The following SEC31A variants were observed in gnomAD, a reference collection of about 807,000 sequenced individuals.
SEC31A encodes SEC31 homolog A, COPII component.
SEC31A carries 70 observed loss-of-function variants against 151.0 expected under a neutral mutation model. The ratio of observed to expected loss-of-function variants is 0.46; its 90% CI spans 0.38 to 0.57. SEC31A has a LOEUF of 0.57. Among genes scored for constraint, SEC31A ranks in the 20% least tolerant of loss-of-function variants. The pLI is 0.00. For missense variants in SEC31A, 1,330 were observed against 1,471.2 expected (o/e 0.90, Z 1.57); for synonymous variants, 475 against 505.9 (o/e 0.94, Z 0.82).
chr4:82,873,648 A>G (rs964219014), intron 6 of SEC31A, among the ~76,000 whole-genome samples: 7 of 152,250 alleles, frequency 4.6e-5, no homozygotes, highest in African/African-American at 1.7e-4. Flanking sequence ...GTTCTCCCAA[A>G]TAGTTTTTTG....
At chr4:82,829,463 T>TA (rs971562100) in intron 22 of SEC31A, 65 of 152,210 alleles carry the variant, frequency 4.3e-4, no homozygotes, top group African/African-American at 7.6e-4. Context: ...ATTCAACATA[T>TA]AAAAAAAAAG....
intron 13 of SEC31A, among the ~76,000 whole-genome samples, chr4:82,862,209 G>A (rs1331359951): frequency 9.5e-5 from 14 of 147,356 alleles, no homozygotes; most frequent in African/African-American, 3.0e-4. Context: ...CAACACACCC[G>A]GCCCACTTTC....
intron 22 of SEC31A, among the ~76,000 whole-genome samples, chr4:82,830,172 AC>A (rs779201138): frequency 2.8e-4 from 42 of 152,246 alleles, no homozygotes; most frequent in Non-Finnish European, 5.6e-4. Context: ...TGATTTTAAA[AC>A]AGAATTCAGG....
chr4:82,873,552 A>T (rs566610225), intron 6 of SEC31A, among the ~76,000 whole-genome samples: 1 of 152,228 alleles, frequency 6.6e-6, no homozygotes, highest in African/African-American at 2.4e-5. Context: ...CCACAAAATG[A>T]CTAAAATGCT....
At position 82,866,855 on chromosome 4, in the gene SEC31A, T is replaced by C. The variant is rs1305856389; in HGVS notation, c.1150A>G (p.Lys384Glu). The C allele has an allele frequency of 5.0e-6, 8 of 1,613,190 alleles. No homozygotes were observed. Among genetic ancestry groups the C allele is most frequent in the Non-Finnish European group, 6.8e-6 (8 of 1,179,810 alleles). ...TAQHSIVLPLKKPPKWIRRPV... is the reference protein window; with the variant it reads ...TAQHSIVLPLEKPPKWIRRPV... The stretch of plus-strand genomic sequence containing the variant: ...CTTCGAATCCACTTGGGCGGCTTCT[T>C]CAGAGGCAGCACTATACTATGCTGA... The change falls in exon 10 of 27, where the codon AAG becomes GAG. Residue 384 changes from lysine (K) to glutamate (E), a missense_variant. Lys to Glu is a moderately conservative substitution (Grantham distance 56). Coordinates refer to ENST00000395310, the MANE Select transcript of SEC31A (RefSeq NM_001077207.4).
chr4:82,894,483 T>G (rs1171030497), upstream of SEC31A: 1 of 152,248 alleles, frequency 6.6e-6, no homozygotes, highest in African/African-American at 2.4e-5. Flanking sequence ...TTGTGTAAGG[T>G]GAACCAACTG....
At chr4:82,831,758 A>C (rs1386517486) in intron 22 of SEC31A, among the ~76,000 whole-genome samples, 1 of 152,188 alleles carries the variant, frequency 6.6e-6, no homozygotes, top group Non-Finnish European at 1.5e-5. Flanking sequence ...TAACCACCTC[A>C]TATGGTCTTT....
At chr4:82,878,616 G>A in intron 4 of SEC31A, 114 bp downstream of exon 4, 1 of 809,500 alleles carries the variant, frequency 1.2e-6, no homozygotes, top group Non-Finnish European at 2.0e-6. Context: ...TCGTCAACCT[G>A]TATAGCCACA....
chr4:82,822,765 G>C (rs530742568), intron 25 of SEC31A, among the ~76,000 whole-genome samples: 67 of 152,214 alleles, frequency 4.4e-4, no homozygotes, highest in Admixed American at 7.8e-4. Context: ...CCTGATGTTG[G>C]GAGTTCGAGA....
At chr4:82,870,489 T>C in intron 7 of SEC31A, 65 bp from the exon 8 acceptor site, 1 of 1,300,624 alleles carries the variant, frequency 7.7e-7, no homozygotes, top group Non-Finnish European at 1.1e-6. Context: ...CAACTATTTC[T>C]GCCTAGGTTT....
intron 4 of SEC31A, among the ~76,000 whole-genome samples, chr4:82,877,216 C>A (rs989683263): frequency 6.6e-6 from 1 of 151,936 alleles, no homozygotes; most frequent in Non-Finnish European, 1.5e-5. Flanking sequence ...GGGAGCAAGA[C>A]GCTGTTTCAA....
At chr4:82,865,034 C>G (rs2149519608) in intron 10 of SEC31A, among the ~76,000 whole-genome samples, 1 of 152,016 alleles carries the variant, frequency 6.6e-6, no homozygotes, top group African/African-American at 2.4e-5. Context: ...TAGAGAAGAC[C>G]AGATAGGACG....
intron 7 of SEC31A, chr4:82,871,572 T>C: frequency 1.6e-6 from 1 of 631,002 alleles, no homozygotes; most frequent in South Asian, 2.0e-5. Context: ...GGTCAGAAGT[T>C]TGAGACCAGC....
upstream of SEC31A, chr4:82,893,672 G>A (rs1183515079): frequency 6.6e-6 from 1 of 152,202 alleles, no homozygotes; most frequent in Non-Finnish European, 1.5e-5. Context: ...AACATGAGTA[G>A]TCACAGAATT....
intron 24 of SEC31A, 136 bp downstream of exon 24, chr4:82,827,231 TAA>T: frequency 1.0e-6 from 1 of 960,302 alleles, no homozygotes; most frequent in Non-Finnish European, 1.6e-6. Flanking sequence ...TGATCGATCT[TAA>T]AAAAAAGTTA....
chr4:82,846,592 T>C (rs1444245675), intron 20 of SEC31A, among the ~76,000 whole-genome samples: 1 of 152,018 alleles, frequency 6.6e-6, no homozygotes, highest in African/African-American at 2.4e-5. Flanking sequence ...TTCAATGTGA[T>C]GACAAGAAGG....
At position 82,859,267 on chromosome 4, in the gene SEC31A, T is replaced by C. The variant is rs191414372; in HGVS notation, c.1627-1503A>G. Among the ~76,000 whole-genome samples the C allele has an allele frequency of 1.7e-3, 252 of 152,308 alleles. 1 individual carries two copies. The highest frequency in any genetic ancestry group is 5.3e-3 in the African/African-American group (220 of 41,570). On this transcript the variant is annotated intron_variant, in intron 14 of 26. Transcript: ENST00000395310. ...GAACAGTGGGTTAGTCTGGTAAAAATATACACAGTTCTGTTATAAATTTCT... is the reference window on the plus strand; with the variant it reads ...GAACAGTGGGTTAGTCTGGTAAAAACATACACAGTTCTGTTATAAATTTCT...
chr4:82,845,281 G>A (rs1466774208), intron 20 of SEC31A: 4 of 1,523,670 alleles, frequency 2.6e-6, no homozygotes, highest in East Asian at 4.9e-5. Flanking sequence ...GTGACAGTAG[G>A]GGCAATTCTA....
chr4:82,841,371 T>C (rs1174375279), intron 22 of SEC31A, among the ~76,000 whole-genome samples: 2 of 139,764 alleles, frequency 1.4e-5, no homozygotes, highest in Middle Eastern at 4.1e-3. Flanking sequence ...TGCAGTGAGC[T>C]GAGATCATGC....
Sources: gnomAD v4.1 joint callset for allele counts (sites outside exome capture counted in the v4.1 genomes callset) on GRCh38, gnomAD v4.1.1 for gene constraint, MANE v1.5 for transcripts, NCBI Gene and HGNC (gene_info 2026-07-23, HGNC 2026-07-21) for gene names.